Variants in JAK1 observed in about 807,000 individuals in gnomAD.
JAK1 encodes the protein Janus kinase 1, also known as tyrosine-protein kinase JAK1.
Under a neutral mutation model 136.6 loss-of-function variants are expected in JAK1, and 16 were observed. That is an observed-to-expected ratio of 0.12 (90% CI 0.08 to 0.18). The LOEUF is 0.18. Ranked by LOEUF, JAK1 falls within the 10% of genes least tolerant of loss-of-function variation. JAK1 has a pLI of 1.00. For missense variants in JAK1, 859 were observed against 1,450.1 expected (o/e 0.59, Z 6.62); for synonymous variants, 492 against 519.5 (o/e 0.95, Z 0.72).
intron 4 of JAK1, among the ~76,000 whole-genome samples, chr1:64,877,520 G>C (rs1644692020): frequency 6.6e-6 from 1 of 152,072 alleles, no homozygotes; most frequent in Non-Finnish European, 1.5e-5. Context: ...ATGCCTCAAA[G>C]AGCTCTACAA....
intron 1 of JAK1, among the ~76,000 whole-genome samples, chr1:64,913,847 A>G (rs899511785): frequency 6.6e-6 from 1 of 152,198 alleles, no homozygotes; most frequent in African/African-American, 2.4e-5. Context: ...AGAAAAATAG[A>G]TATTAAATAA....
rs563563639 is a variant in JAK1 at position 64,974,877 on chromosome 1, TTTTG to T, written c.-78+69599_-78+69602del. ...CATTCTCTTTTCTTTTTTTGTTTTG[TTTTG>T]TTTTTGTTTGTTTGTTTTGTTTTGT... On this transcript the variant is annotated intron_variant, in intron 2 of 25. Coordinates refer to the JAK1 transcript ENST00000671954. Among the ~76,000 whole-genome samples, 354 of 152,122 alleles carry T rather than the reference TTTTG, an allele frequency of 2.3e-3. 2 individuals are homozygous for T. Among genetic ancestry groups the T allele is most frequent in the Middle Eastern group, 3.4e-3 (1 of 294 alleles).
chr1:64,994,643 C>T (rs1646687544), intron 2 of JAK1, among the ~76,000 whole-genome samples: 1 of 152,198 alleles, frequency 6.6e-6, no homozygotes, highest in African/African-American at 2.4e-5. Flanking sequence ...CATTTCCCAA[C>T]ACTGCCGCAT....
At chr1:64,878,907 G>A (rs1276669886) in intron 4 of JAK1, 118 bp downstream of exon 4, 1 of 984,142 alleles carries the variant, frequency 1.0e-6, no homozygotes, top group African/African-American at 1.7e-5. Context: ...AAATACAAAA[G>A]TTACAAATTA....
intron 5 of JAK1, among the ~76,000 whole-genome samples, chr1:64,870,004 T>C (rs1218347622): frequency 1.3e-5 from 2 of 151,194 alleles, no homozygotes; most frequent in Non-Finnish European, 1.5e-5. Flanking sequence ...TAGTGAAATG[T>C]GTCACCAAAA....
chr1:64,913,689 A>AAGGAAGGAAGGAAGGAAGGG, intron 1 of JAK1, among the ~76,000 whole-genome samples: 1 of 37,770 alleles, frequency 2.6e-5, no homozygotes, highest in African/African-American at 7.4e-5. Flanking sequence ...GGAAGGAAGG[A>AAGGAAGGAAGGAAGGAAGGG]AGGAAGGAAG....
At chr1:64,931,140 TGTATAATAAAAAAA>T (rs2100446405) in intron 1 of JAK1, among the ~76,000 whole-genome samples, 1 of 152,150 alleles carries the variant, frequency 6.6e-6, no homozygotes, top group South Asian at 2.1e-4. Flanking sequence ...CAGAACTTAA[TGTATAATAAAAAAA>T]ATAAACTCTT....
chr1:64,897,264 T>C (rs1245839085), intron 1 of JAK1, among the ~76,000 whole-genome samples: 1 of 151,084 alleles, frequency 6.6e-6, no homozygotes, highest in East Asian at 2.0e-4. Context: ...ACCCTGTCCC[T>C]ACTAAAAATA....
chr1:64,880,930 A>G (rs12409178), intron 3 of JAK1, among the ~76,000 whole-genome samples: 8,033 of 152,076 alleles, frequency 0.053, 335 homozygotes, highest in Admixed American at 0.14. Context: ...GTGACAGAGA[A>G]AGACTCTGTC....
intron 1 of JAK1, among the ~76,000 whole-genome samples, chr1:64,950,586 G>A (rs1003485041): frequency 6.6e-6 from 1 of 152,084 alleles, no homozygotes; most frequent in Non-Finnish European, 1.5e-5. Flanking sequence ...CCAGCCCTTG[G>A]ACTGAGCACC....
intron 11 of JAK1, among the ~76,000 whole-genome samples, chr1:64,854,853 A>AT (rs1655822737): frequency 6.6e-6 from 1 of 151,040 alleles, no homozygotes; most frequent in Middle Eastern, 3.2e-3. Flanking sequence ...GCCCCCGCCC[A>AT]TGCCTCTGTT....
chr1:64,863,054 G>T (rs1656449067), intron 8 of JAK1, among the ~76,000 whole-genome samples: 1 of 148,162 alleles, frequency 6.7e-6, no homozygotes, highest in Non-Finnish European at 1.5e-5. Flanking sequence ...ATAACAGGGG[G>T]CCTAATACCC....
chr1:64,873,888 C>T (rs965548124), intron 4 of JAK1, among the ~76,000 whole-genome samples: 4 of 152,216 alleles, frequency 2.6e-5, no homozygotes, highest in Non-Finnish European at 4.4e-5. Context: ...CATTCTACCT[C>T]GAATCCAAGA....
intron 2 of JAK1, among the ~76,000 whole-genome samples, chr1:65,019,460 C>G (rs1316974393): frequency 1.3e-5 from 2 of 148,320 alleles, no homozygotes; most frequent in Non-Finnish European, 3.0e-5. Context: ...ATGACCCCCC[C>G]CCCAATATAT....
intron 1 of JAK1, among the ~76,000 whole-genome samples, chr1:64,896,185 A>ATGACACTT (rs1329405652): frequency 6.6e-6 from 1 of 152,230 alleles, no homozygotes; most frequent in African/African-American, 2.4e-5. Context: ...GGCAGTCTCA[A>ATGACACTT]TGACACTTTT....
intron 1 of JAK1, among the ~76,000 whole-genome samples, chr1:65,051,016 T>C (rs1464096320): frequency 6.6e-6 from 1 of 152,112 alleles, no homozygotes; most frequent in African/African-American, 2.4e-5. Context: ...GCAAATACAA[T>C]TAAGGAAATA....
intron 19 of JAK1, 50 bp downstream of exon 19, chr1:64,841,195 G>T (rs1654877679): frequency 7.7e-7 from 1 of 1,299,750 alleles, no homozygotes; most frequent in Middle Eastern, 1.8e-4. Flanking sequence ...TGGCGCTGTG[G>T]ATGGCGGAGG....
At chr1:64,892,075 TTTG>T (rs1205015286) in intron 1 of JAK1, among the ~76,000 whole-genome samples, 1 of 152,248 alleles carries the variant, frequency 6.6e-6, no homozygotes, top group Non-Finnish European at 1.5e-5. Flanking sequence ...ACCAAGAGAC[TTTG>T]TTACTTTTCC....
intron 2 of JAK1, among the ~76,000 whole-genome samples, chr1:64,994,283 A>G (rs1483237891): frequency 6.6e-6 from 1 of 152,226 alleles, no homozygotes; most frequent in Non-Finnish European, 1.5e-5. Flanking sequence ...TCAAATAAAC[A>G]TTAAGTCATT....
Sources: gnomAD v4.1 joint callset for allele counts (sites outside exome capture counted in the v4.1 genomes callset) on GRCh38, gnomAD v4.1.1 for gene constraint, MANE v1.5 for transcripts, NCBI Gene and HGNC (gene_info 2026-07-23, HGNC 2026-07-21) for gene names.